Variants in METTL22 observed in about 807,000 individuals in gnomAD.
METTL22 encodes the protein methyltransferase-like protein 22.
In METTL22, 51 loss-of-function variants were observed where a neutral mutation model predicts 48.4. The observed-to-expected ratio is 1.05, with a 90% CI of 0.84 to 1.33. METTL22 has a LOEUF of 1.33. Ranked by LOEUF, METTL22 falls within the 40% of genes most tolerant of loss-of-function variation. The pLI, the probability that METTL22 is intolerant of heterozygous loss-of-function variation, is 0.00. For synonymous variants in METTL22, 255 were observed against 214.1 expected (o/e 1.19, Z -1.67); for missense variants, 678 against 526.9 (o/e 1.29, Z -2.81).
At chr16:8,629,133 C>T (rs2056167691) in intron 3 of METTL22, 23 bp downstream of exon 3, 3 of 1,597,604 alleles carry the variant, frequency 1.9e-6, no homozygotes, top group Non-Finnish European at 2.6e-6. Context: ...GTGATGTGGC[C>T]CACCTGTCAC....
chr16:8,642,817 G>C, intron 9 of METTL22: 1 of 557,882 alleles, frequency 1.8e-6, no homozygotes, highest in Non-Finnish European at 3.2e-6. Context: ...CAGGGGCCTT[G>C]GCCAGGGCAC....
At chr16:8,623,284 C>T (rs1033962176) in intron 1 of METTL22, among the ~76,000 whole-genome samples, 1 of 150,852 alleles carries the variant, frequency 6.6e-6, no homozygotes. Context: ...GCACTCTAGC[C>T]TGGGCAACAG....
At chr16:8,645,292 C>T (rs1215878520) in intron 10 of METTL22, among the ~76,000 whole-genome samples, 4 of 152,184 alleles carry the variant, frequency 2.6e-5, no homozygotes, top group South Asian at 2.1e-4. Context: ...GAGGGAGTCA[C>T]GAGGAGCTGC....
At chr16:8,650,229 C>T (rs1641083), downstream of METTL22, among the ~76,000 whole-genome samples, 150,440 of 152,342 alleles carry the variant, frequency 0.99, 74,315 homozygotes, top group Middle Eastern at 1. Flanking sequence ...GAGGCTGGGT[C>T]GGGAGCATCG....
At chr16:8,654,082 T>C (rs532716985), downstream of METTL22, among the ~76,000 whole-genome samples, 2 of 152,322 alleles carry the variant, frequency 1.3e-5, no homozygotes, top group South Asian at 2.1e-4. Context: ...GAGATGGTGA[T>C]AGCCAACTGT....
At position 8,625,549 on chromosome 16, in the gene METTL22, A is replaced by G; in HGVS notation, c.-117A>G. 1 of 928,724 alleles carries G rather than the reference A, an allele frequency of 1.1e-6. No homozygotes were observed. The highest frequency in any genetic ancestry group is 2.1e-5 in the South Asian group (1 of 47,494). The allele number at this position is 928,724 out of a possible 1,614,324, so 57.5% of individuals were successfully genotyped here. A position where few individuals can be genotyped will look rare whatever the true frequency, so the allele number is the denominator to read the frequency against. ...GAGATCTTCTCCCAGGGCGATGCAA[A>G]GCTACTCGCTACCAGCTTGGACCTG... On this transcript the variant is annotated 5_prime_UTR_variant, in exon 2 of 11. Transcript: ENST00000381920.
chr16:8,657,176 G>A, the METTL22 span, among the ~76,000 whole-genome samples: 2 of 152,128 alleles, frequency 1.3e-5, no homozygotes, highest in Non-Finnish European at 2.9e-5. Flanking sequence ...AGGGAGGATC[G>A]ATGTCATTAC....
intron 1 of METTL22, among the ~76,000 whole-genome samples, chr16:8,623,206 C>T (rs1396603272): frequency 6.6e-6 from 1 of 151,370 alleles, no homozygotes; most frequent in Non-Finnish European, 1.5e-5. Context: ...CCCAGTTACT[C>T]GGGACTCTGA....
intron 2 of METTL22, 104 bp from the exon 3 acceptor site, chr16:8,628,626 T>C (rs1210784994): frequency 2.0e-5 from 29 of 1,449,970 alleles, no homozygotes; most frequent in Middle Eastern, 4.3e-4. Flanking sequence ...ACCTGGCCTT[T>C]AAAAATCTTT....
chr16:8,641,397 C>G (rs772427942), intron 7 of METTL22: 1 of 653,830 alleles, frequency 1.5e-6, no homozygotes, highest in Non-Finnish European at 2.8e-6. Flanking sequence ...TCATTTTCTT[C>G]TCCAGGTGTT....
intron 2 of METTL22, 109 bp downstream of exon 2, chr16:8,625,907 C>G (rs1345408977): frequency 5.8e-6 from 8 of 1,371,314 alleles, no homozygotes; most frequent in African/African-American, 1.5e-5. Flanking sequence ...AACTGTTATC[C>G]TCAGACCACT....
the METTL22 span, among the ~76,000 whole-genome samples, chr16:8,665,133 A>G: frequency 7.8e-4 from 50 of 64,354 alleles, no homozygotes; most frequent in African/African-American, 2.4e-3. Context: ...CGTATCTACT[A>G]AAAATACAAA....
chr16:8,630,024 C>T (rs2056201488), intron 3 of METTL22, among the ~76,000 whole-genome samples: 1 of 3,612 alleles, frequency 2.8e-4, no homozygotes, highest in Non-Finnish European at 0.016. Flanking sequence ...CCTGGCGCTG[C>T]TCATTTGGGG....
At chr16:8,662,093 T>A in the METTL22 span, among the ~76,000 whole-genome samples, 1 of 144,894 alleles carries the variant, frequency 6.9e-6, no homozygotes, top group Non-Finnish European at 1.5e-5. Context: ...AGAAAAACAA[T>A]CAGCTGGGTG....
chr16:8,633,581 A>T (rs2056331067), intron 3 of METTL22, among the ~76,000 whole-genome samples: 1 of 152,228 alleles, frequency 6.6e-6, no homozygotes, highest in Non-Finnish European at 1.5e-5. Context: ...ACTCCAGCGT[A>T]GATGACAGAG....
At chr16:8,663,878 T>C in the METTL22 span, among the ~76,000 whole-genome samples, 1 of 152,096 alleles carries the variant, frequency 6.6e-6, no homozygotes, top group Non-Finnish European at 1.5e-5. Context: ...TCCCATGTCA[T>C]AGGAGACTGT....
In METTL22 at chr16:8,642,177, G is replaced by C; in HGVS notation, c.877G>C (p.Asp293His). ...ACAAGAGGAAATTTCTGACTTGTACGATCACACCACCATCCTGTTTGCAGC... is the reference window on the plus strand; with the variant it reads ...ACAAGAGGAAATTTCTGACTTGTACCATCACACCACCATCCTGTTTGCAGC... ...WSQEEISDLY[D>H]HTTILFAAEV... Residue 293 changes from aspartate (D) to histidine (H), a missense_variant, in exon 8 of 11, where the codon GAT (aspartate) becomes CAT (histidine). Physicochemically the swap from Asp to His is moderately conservative, Grantham distance 81. Coordinates refer to ENST00000381920, the MANE Select transcript of METTL22 (RefSeq NM_024109.4). The C allele has an allele frequency of 6.2e-7, 1 of 1,613,668 alleles. No individual in the cohort carries two copies. The highest frequency in any genetic ancestry group is 8.5e-7 in the Non-Finnish European group (1 of 1,179,626).
intron 2 of METTL22, 111 bp downstream of exon 2, chr16:8,625,909 C>A: frequency 7.4e-7 from 1 of 1,347,814 alleles, no homozygotes; most frequent in Non-Finnish European, 1.0e-6. Context: ...CTGTTATCCT[C>A]AGACCACTTT....
intron 7 of METTL22, chr16:8,641,772 C>G: frequency 4.6e-6 from 2 of 432,102 alleles, no homozygotes; most frequent in Non-Finnish European, 8.6e-6. Flanking sequence ...TAGTACTGTG[C>G]CCTTTCTGTG....
Sources: allele counts gnomAD v4.1 joint callset (sites outside exome capture counted in the v4.1 genomes callset), GRCh38; gene constraint gnomAD v4.1.1; transcripts MANE v1.5; gene names NCBI Gene and HGNC (gene_info 2026-07-23, HGNC 2026-07-21).